Variants in RUNX1 observed in about 807,000 individuals in gnomAD.
The protein encoded by RUNX1 is runt-related transcription factor 1.
In RUNX1, 19 loss-of-function variants were observed where a neutral mutation model predicts 42.8. The observed-to-expected ratio is 0.44, with a 90% CI of 0.31 to 0.65. The LOEUF (loss-of-function observed/expected upper bound fraction) is 0.65. Among genes scored for constraint, RUNX1 ranks in the 30% least tolerant of loss-of-function variants. The pLI, the probability that RUNX1 is intolerant of heterozygous loss-of-function variation, is 0.07. For synonymous variants in RUNX1, 271 were observed against 289.4 expected, an observed-to-expected ratio of 0.94 and a Z score of 0.64; for missense variants, 528 against 672.0, an observed-to-expected ratio of 0.79 and a Z score of 2.37.
intron 2 of RUNX1, among the ~76,000 whole-genome samples, chr21:34,999,075 A>T (rs1175173285): frequency 6.6e-6 from 1 of 152,226 alleles, no homozygotes; most frequent in East Asian, 1.9e-4. Context: ...GGCCATCAGC[A>T]CTGGAAGCCC....
intron 6 of RUNX1, among the ~76,000 whole-genome samples, chr21:34,839,590 GAA>G (rs2057201687): frequency 6.6e-6 from 1 of 152,214 alleles, no homozygotes; most frequent in African/African-American, 2.4e-5. Flanking sequence ...TGTAGAATCA[GAA>G]GACAGCCCCA....
At chr21:34,967,319 C>CAAA (rs398036394) in intron 2 of RUNX1, among the ~76,000 whole-genome samples, 323 of 15,650 alleles carry the variant, frequency 0.021, 16 homozygotes, top group Non-Finnish European at 0.027. Context: ...GACTCGGTCT[C>CAAA]AAAAAAAAAA....
chr21:34,938,665 C>G (rs1295006931), intron 2 of RUNX1, among the ~76,000 whole-genome samples: 1 of 152,118 alleles, frequency 6.6e-6, no homozygotes, highest in Non-Finnish European at 1.5e-5. Context: ...AAATGATGAA[C>G]ACACATTGTT....
chr21:34,793,237 C>T (rs1340802796), intron 8 of RUNX1, among the ~76,000 whole-genome samples: 1 of 151,804 alleles, frequency 6.6e-6, no homozygotes, highest in Non-Finnish European at 1.5e-5. Flanking sequence ...GATCAGGAGG[C>T]TGCTACTGCC....
chr21:34,956,000 T>C (rs112914819), intron 2 of RUNX1, among the ~76,000 whole-genome samples: 32 of 152,170 alleles, frequency 2.1e-4, no homozygotes, highest in African/African-American at 7.5e-4. Flanking sequence ...CAAGCAAAAG[T>C]ATAAAAATAA....
At chr21:34,796,472 C>A (rs567984447) in intron 8 of RUNX1, among the ~76,000 whole-genome samples, 71 of 152,294 alleles carry the variant, frequency 4.7e-4, no homozygotes, top group African/African-American at 1.6e-3. Flanking sequence ...CCTGGTGTCC[C>A]CTGATTCAGC....
intron 2 of RUNX1, among the ~76,000 whole-genome samples, chr21:35,022,759 G>GT (rs2059207978): frequency 6.6e-6 from 1 of 151,990 alleles, no homozygotes; most frequent in Non-Finnish European, 1.5e-5. Context: ...GTGGGGTGTG[G>GT]TGGCGGGTGC....
chr21:34,971,860 T>G (rs1014582824), intron 2 of RUNX1, among the ~76,000 whole-genome samples: 3 of 152,182 alleles, frequency 2.0e-5, no homozygotes, highest in Non-Finnish European at 1.5e-5. Context: ...GGTTCACCAG[T>G]GCCTAATAAA....
At chr21:34,848,016 GA>G (rs2057341796) in intron 6 of RUNX1, among the ~76,000 whole-genome samples, 1 of 152,062 alleles carries the variant, frequency 6.6e-6, no homozygotes, top group African/African-American at 2.4e-5. Flanking sequence ...AGGTCTTTGG[GA>G]CATGGTCAAG....
intron 7 of RUNX1, among the ~76,000 whole-genome samples, chr21:34,814,967 C>T (rs568910981): frequency 6.3e-4 from 96 of 152,156 alleles, no homozygotes; most frequent in Non-Finnish European, 1.1e-3. Context: ...TTGTGTACTA[C>T]CCCGAAAAAA....
intron 2 of RUNX1, among the ~76,000 whole-genome samples, chr21:34,926,190 A>G (rs1266125908): frequency 6.6e-6 from 1 of 152,216 alleles, no homozygotes; most frequent in East Asian, 1.9e-4. Context: ...ATATGAAAAG[A>G]CAGGCTGTGC....
intron 7 of RUNX1, among the ~76,000 whole-genome samples, chr21:34,810,412 G>T (rs1386407608): frequency 1.3e-5 from 2 of 152,166 alleles, no homozygotes; most frequent in Admixed American, 6.5e-5. Flanking sequence ...GGGAAAAGGA[G>T]AATTCAAAAC....
intron 2 of RUNX1, among the ~76,000 whole-genome samples, chr21:34,934,136 C>G (rs1224462428): frequency 6.6e-6 from 1 of 152,118 alleles, no homozygotes; most frequent in Non-Finnish European, 1.5e-5. Context: ...AGAGCAAAGG[C>G]TTAGCTAAGT....
At chr21:34,859,718 T>C in intron 5 of RUNX1, 140 bp from the exon 6 acceptor site, 1 of 770,030 alleles carries the variant, frequency 1.3e-6, no homozygotes, top group Non-Finnish European at 2.4e-6. Context: ...AATTTTGGCT[T>C]TGCTTCAATT....
intron 2 of RUNX1, among the ~76,000 whole-genome samples, chr21:34,918,712 A>G (rs914948151): frequency 6.6e-6 from 1 of 152,206 alleles, no homozygotes; most frequent in African/African-American, 2.4e-5. Context: ...GATCGAGACC[A>G]TCCTGGCCAA....
In RUNX1 at chr21:34,901,606, C is replaced by G. The variant is rs927035001; in HGVS notation, c.59-8643G>C. Among the ~76,000 whole-genome samples the G allele has an allele frequency of 4.6e-5, 7 of 152,294 alleles. No homozygotes were observed. Among genetic ancestry groups the G allele is most frequent in the Admixed American group, 2.6e-4 (4 of 15,300 alleles). ...AGGTTAAGGGGCCAACGTGTGGACC[C>G]TGGAAAGGGTGTGAGCCCTTCTCCA... On this transcript the variant is annotated intron_variant, in intron 2 of 8. Coordinates refer to ENST00000675419, the MANE Select transcript of RUNX1 (RefSeq NM_001754.5). The surrounding 1 kb of genome is among the most constrained non-coding windows in gnomAD (Gnocchi z 4.3).
chr21:34,873,775 C>T (rs1359812727), intron 5 of RUNX1, among the ~76,000 whole-genome samples: 1 of 152,172 alleles, frequency 6.6e-6, no homozygotes, highest in Non-Finnish European at 1.5e-5. Context: ...AACTGAATGC[C>T]GTCGATTGCT....
At chr21:34,865,242 G>A (rs1013353628) in intron 5 of RUNX1, among the ~76,000 whole-genome samples, 2 of 151,684 alleles carry the variant, frequency 1.3e-5, no homozygotes, top group Non-Finnish European at 2.9e-5. Flanking sequence ...TGGGGATGAA[G>A]TAGGCACTGA....
In RUNX1 at chr21:34,792,011, G is replaced by A; in HGVS notation, c.*124C>T. ...GAGATCCTGGCCGTCGGGCGCCCTC[G>A]GCCCCAGGACGGTGGCCGGGCCCAG... On this transcript the variant is annotated 3_prime_UTR_variant, in exon 9 of 9. Transcript: ENST00000675419. The surrounding 1 kb of genome is among the most constrained non-coding windows in gnomAD (Gnocchi z 6.9). 1 of 578,040 alleles carries A rather than the reference G, an allele frequency of 1.7e-6. No homozygotes were observed. Among genetic ancestry groups the A allele is most frequent in the South Asian group, 2.2e-5 (1 of 46,136 alleles). The allele number at this position is 578,040 out of a possible 1,614,324, so 35.8% of individuals were successfully genotyped here. A position where few individuals can be genotyped will look rare whatever the true frequency, so the allele number is the denominator to read the frequency against.
Sources: gnomAD v4.1 joint callset for allele counts (sites outside exome capture counted in the v4.1 genomes callset) on GRCh38, gnomAD v4.1.1 for gene constraint, Gnocchi (gnomAD v3.1) non-coding constraint, MANE v1.5 for transcripts, NCBI Gene and HGNC (gene_info 2026-07-23, HGNC 2026-07-21) for gene names.